PAPPA2: variants seen among roughly 807,000 people sequenced by gnomAD.
The protein encoded by PAPPA2 is pappalysin-2.
PAPPA2 carries 86 observed loss-of-function variants against 176.4 expected under a neutral mutation model. The observed-to-expected ratio is 0.49, with a 90% CI of 0.41 to 0.58. The LOEUF is 0.58. PAPPA2 is among the 20% of genes least tolerant of loss of function. PAPPA2 has a pLI of 0.00. For synonymous variants in PAPPA2, 809 were observed against 852.2 expected (o/e 0.95, Z 0.88); for missense variants, 2,073 against 2,256.9 (o/e 0.92, Z 1.65).
At chr1:176,589,578 AC>A (rs1653528392) in intron 2 of PAPPA2, among the ~76,000 whole-genome samples, 1 of 152,190 alleles carries the variant, frequency 6.6e-6, no homozygotes, top group Non-Finnish European at 1.5e-5. Flanking sequence ...CCACACTACC[AC>A]CATCTTTTGA....
chr1:176,759,516 C>T (rs989104375), intron 14 of PAPPA2, among the ~76,000 whole-genome samples: 4 of 152,170 alleles, frequency 2.6e-5, no homozygotes, highest in Middle Eastern at 3.4e-3. Flanking sequence ...TGATTCTGAC[C>T]GACTCTGAAG....
In PAPPA2 at chr1:176,797,948, G is replaced by T. The variant is rs184022819; in HGVS notation, c.5131-2113G>T. 5.3e-5 allele frequency among the ~76,000 whole-genome samples: 8 copies of T among 152,274 alleles called. No homozygotes were observed. The East Asian group carries it at 1.4e-3, about 26-fold the overall frequency. ...GACACGATATCATAATTAGTGGCTG[G>T]CAAATGCTTGTAAAATTTCGTCTTT... is the stretch of plus-strand genomic sequence containing the variant. On this transcript the variant is annotated intron_variant, in intron 20 of 22. Transcript: ENST00000367662.
chr1:176,613,393 C>A (rs577535434), intron 3 of PAPPA2, among the ~76,000 whole-genome samples: 1 of 152,138 alleles, frequency 6.6e-6, no homozygotes, highest in Non-Finnish European at 1.5e-5. Flanking sequence ...GATGAGGAGG[C>A]GTCTCTCAAA....
intron 1 of PAPPA2, among the ~76,000 whole-genome samples, chr1:176,478,108 A>G (rs1331445188): frequency 6.6e-6 from 1 of 152,230 alleles, no homozygotes; most frequent in Admixed American, 6.5e-5. Context: ...TATTTTGAGT[A>G]GCTTCTGCTA....
chr1:176,691,017 T>A (rs1468312716), intron 5 of PAPPA2: 10 of 985,212 alleles, frequency 1.0e-5, no homozygotes, highest in Admixed American at 6.2e-5. Context: ...CATCTAATTT[T>A]AAAAAAATGG....
At chr1:176,555,284 A>T (rs1476370621) in intron 1 of PAPPA2, 123 bp from the exon 2 acceptor site, 2 of 152,534 alleles carry the variant, frequency 1.3e-5, no homozygotes, top group Non-Finnish European at 2.9e-5. Flanking sequence ...AAAAACAAAA[A>T]CAAAAAACAA....
At chr1:176,688,640 C>T (rs1659958495) in intron 4 of PAPPA2, among the ~76,000 whole-genome samples, 2 of 152,134 alleles carry the variant, frequency 1.3e-5, no homozygotes, top group Admixed American at 1.3e-4. Context: ...TCTAGTTTCA[C>T]CTGGGATGTG....
Position 176,799,062 on chromosome 1 carries a change from G to A in PAPPA2, c.5131-999G>A, listed in dbSNP as rs750570165. On this transcript the variant is annotated intron_variant, in intron 20 of 22. Transcript: ENST00000367662. ...CTAGAATTCCTGTAGGTGCTATCTC[G>A]TGTAAAGCTCCTGTGTTGCCATGTA... is the stretch of plus-strand genomic sequence containing the variant. Among the ~76,000 whole-genome samples the A allele has an allele frequency of 1.4e-4, 21 of 152,204 alleles. 1 individual carries two copies. Among genetic ancestry groups the A allele is most frequent in the Non-Finnish European group, 1.5e-4 (10 of 68,014 alleles).
chr1:176,757,752 G>T (rs969621667), intron 14 of PAPPA2, among the ~76,000 whole-genome samples: 7 of 152,070 alleles, frequency 4.6e-5, no homozygotes, highest in African/African-American at 1.7e-4. Flanking sequence ...CATTGCTTTT[G>T]GTGTTTTAGT....
At chr1:176,584,762 T>A (rs958289996) in intron 2 of PAPPA2, among the ~76,000 whole-genome samples, 4 of 152,178 alleles carry the variant, frequency 2.6e-5, no homozygotes, top group African/African-American at 7.2e-5. Context: ...TGAGATGGTG[T>A]CTTGCTCTGT....
chr1:176,588,250 A>G (rs1653444298), intron 2 of PAPPA2, among the ~76,000 whole-genome samples: 1 of 152,166 alleles, frequency 6.6e-6, no homozygotes, highest in African/African-American at 2.4e-5. Context: ...GTGATTTTTC[A>G]CATTGATTTT....
intron 1 of PAPPA2, among the ~76,000 whole-genome samples, chr1:176,510,138 A>G (rs560615658): frequency 6.6e-6 from 1 of 152,332 alleles, no homozygotes; most frequent in South Asian, 2.1e-4. Flanking sequence ...TTTGAGAAGT[A>G]CAAGGCATTT....
chr1:176,597,808 A>G (rs1484304665), intron 3 of PAPPA2, among the ~76,000 whole-genome samples: 1 of 152,188 alleles, frequency 6.6e-6, no homozygotes, highest in African/African-American at 2.4e-5. Flanking sequence ...CAGATAAATG[A>G]GAAAGTCTGG....
chr1:176,657,556 T>C (rs1334059496), intron 3 of PAPPA2, among the ~76,000 whole-genome samples: 2 of 151,974 alleles, frequency 1.3e-5, no homozygotes, highest in African/African-American at 4.8e-5. Flanking sequence ...ATTTAAGAGA[T>C]ATTTATAAAT....
chr1:176,550,386 G>A (rs1486515093), intron 1 of PAPPA2, among the ~76,000 whole-genome samples: 1 of 152,180 alleles, frequency 6.6e-6, no homozygotes, highest in Non-Finnish European at 1.5e-5. Context: ...CAGGTACAAA[G>A]GCAATCCTAA....
intron 3 of PAPPA2, among the ~76,000 whole-genome samples, chr1:176,633,365 CAT>C (rs1287124308): frequency 6.6e-6 from 1 of 152,120 alleles, no homozygotes; most frequent in African/African-American, 2.4e-5. Context: ...CAGTGAATGA[CAT>C]AGGATCAAGG....
At chr1:176,496,366 C>T (rs1647620989) in intron 1 of PAPPA2, among the ~76,000 whole-genome samples, 1 of 152,066 alleles carries the variant, frequency 6.6e-6, no homozygotes, top group Non-Finnish European at 1.5e-5. Flanking sequence ...AGGGGCACAC[C>T]TACAACCAGA....
At chr1:176,566,699 C>T (rs1225923505) in intron 2 of PAPPA2, among the ~76,000 whole-genome samples, 1 of 152,202 alleles carries the variant, frequency 6.6e-6, no homozygotes, top group African/African-American at 2.4e-5. Flanking sequence ...CAACTATTCT[C>T]TTGTCACCAG....
intron 7 of PAPPA2, among the ~76,000 whole-genome samples, chr1:176,696,640 T>A (rs569001389): frequency 6.6e-6 from 1 of 152,224 alleles, no homozygotes; most frequent in South Asian, 2.1e-4. Flanking sequence ...TTTTAGCACC[T>A]CCTGATGAAT....
Sources: gnomAD v4.1 joint callset for allele counts (sites outside exome capture counted in the v4.1 genomes callset) on GRCh38, gnomAD v4.1.1 for gene constraint, MANE v1.5 for transcripts, NCBI Gene and HGNC (gene_info 2026-07-23, HGNC 2026-07-21) for gene names.